PDSS1: variants seen among roughly 807,000 people sequenced by gnomAD.
PDSS1 encodes all trans-polyprenyl-diphosphate synthase PDSS1.
PDSS1 carries 43 observed loss-of-function variants against 57.5 expected under a neutral mutation model. The observed-to-expected ratio is 0.75, with a 90% CI of 0.59 to 0.96. The LOEUF is 0.96. PDSS1 is among the 50% of genes least tolerant of loss of function. The pLI is 0.00. For missense variants in PDSS1, 438 were observed against 527.8 expected (o/e 0.83, Z 1.67); for synonymous variants, 175 against 191.3 (o/e 0.91, Z 0.70).
chr10:26,708,471 A>C (rs1835314694), intron 4 of PDSS1, among the ~76,000 whole-genome samples: 1 of 152,124 alleles, frequency 6.6e-6, no homozygotes, highest in African/African-American at 2.4e-5. Flanking sequence ...CTGAACTTTC[A>C]ATGTATTTAA....
intron 8 of PDSS1, among the ~76,000 whole-genome samples, chr10:26,726,774 A>G (rs952170579): frequency 1.3e-5 from 2 of 152,078 alleles, no homozygotes; most frequent in African/African-American, 2.4e-5. Flanking sequence ...AATAGAATCC[A>G]TTTTAGGCCG....
chr10:26,736,949 C>G (rs764331633), intron 10 of PDSS1, among the ~76,000 whole-genome samples: 1 of 152,132 alleles, frequency 6.6e-6, no homozygotes, highest in Non-Finnish European at 1.5e-5. Flanking sequence ...AGGTGTTATG[C>G]TGGGGATTAG....
chr10:26,739,885 CCACTTTGGGAGG>C (rs748908388), intron 10 of PDSS1, among the ~76,000 whole-genome samples: 172 of 152,186 alleles, frequency 1.1e-3, no homozygotes, highest in Non-Finnish European at 1.8e-3. Flanking sequence ...GCCTGTAATC[CCACTTTGGGAGG>C]CACTTTGGGA....
intron 4 of PDSS1, among the ~76,000 whole-genome samples, chr10:26,707,460 TCCTGC>T (rs1455630363): frequency 6.6e-6 from 1 of 152,156 alleles, no homozygotes; most frequent in Non-Finnish European, 1.5e-5. Context: ...GGGAGCCCTC[TCCTGC>T]CCTGCTCATG....
intron 2 of PDSS1, among the ~76,000 whole-genome samples, chr10:26,702,568 G>A (rs964996450): frequency 6.6e-6 from 1 of 152,166 alleles, no homozygotes; most frequent in Non-Finnish European, 1.5e-5. Context: ...TGCCATGATT[G>A]TAAGTTTCTT....
At chr10:26,745,886 T>C (rs1415129551) in intron 11 of PDSS1, among the ~76,000 whole-genome samples, 2 of 152,004 alleles carry the variant, frequency 1.3e-5, no homozygotes, top group African/African-American at 4.8e-5. Context: ...TTGGATAAAG[T>C]GAGTGCCTTT....
intron 8 of PDSS1, among the ~76,000 whole-genome samples, chr10:26,725,692 G>A (rs1450156655): frequency 2.6e-5 from 4 of 151,670 alleles, no homozygotes; most frequent in African/African-American, 7.3e-5. Context: ...ACATTAGGGT[G>A]CCTTAATATT....
At chr10:26,725,819 T>C (rs1835932641) in intron 8 of PDSS1, among the ~76,000 whole-genome samples, 1 of 152,234 alleles carries the variant, frequency 6.6e-6, no homozygotes, top group Admixed American at 6.5e-5. Context: ...CTCACACCTG[T>C]AATCCCAGCA....
chr10:26,697,951 G>T, intron 1 of PDSS1, 111 bp downstream of exon 1: 1 of 1,018,892 alleles, frequency 9.8e-7, no homozygotes, highest in Non-Finnish European at 1.2e-6. Context: ...GCGGGGGCGC[G>T]CGGGGTAGCT....
intron 10 of PDSS1, among the ~76,000 whole-genome samples, 174 bp from the exon 11 acceptor site, chr10:26,742,323 C>G (rs1268532663): frequency 6.6e-6 from 1 of 152,264 alleles, no homozygotes; most frequent in Non-Finnish European, 1.5e-5. Context: ...CGGTGGATGT[C>G]TCTTAGCTCA....
chr10:26,722,652 C>T (rs575012293), intron 6 of PDSS1, among the ~76,000 whole-genome samples: 11 of 150,770 alleles, frequency 7.3e-5, no homozygotes, highest in Non-Finnish European at 1.2e-4. Flanking sequence ...TGCAGTGAGC[C>T]GAGGTCATGC....
At chr10:26,731,941 G>C (rs1315059167) in intron 8 of PDSS1, among the ~76,000 whole-genome samples, 1 of 152,240 alleles carries the variant, frequency 6.6e-6, no homozygotes, top group Non-Finnish European at 1.5e-5. Flanking sequence ...ACAGGCGTGA[G>C]CCACTGCGCC....
rs79679990 is a variant in PDSS1, at chr10:26,730,267, C to T, written c.832-4973C>T. Among the ~76,000 whole-genome samples the T allele has an allele frequency of 8.9e-3, 1,358 of 151,852 alleles. 36 individuals are homozygous for T. Among genetic ancestry groups the T allele is most frequent in the East Asian group, 0.089 (456 of 5,140 alleles). On this transcript the variant is annotated intron_variant, in intron 8 of 11. Coordinates refer to ENST00000376215, the MANE Select transcript of PDSS1 (RefSeq NM_014317.5). ...GATTCCCTCTCATTCTTGCTGATTT[C>T]GTGTTTTGGTTTTGAGCGTTTTGTT...
intron 6 of PDSS1, among the ~76,000 whole-genome samples, chr10:26,722,367 A>G (rs2489551): frequency 0.87 from 132,457 of 152,164 alleles, 57,679 homozygotes; most frequent in East Asian, 0.92. Context: ...TAGTTATGTT[A>G]AAAATTCTGT....
chr10:26,741,958 T>A (rs1383123621), intron 10 of PDSS1, among the ~76,000 whole-genome samples: 3 of 152,120 alleles, frequency 2.0e-5, no homozygotes, highest in African/African-American at 7.2e-5. Flanking sequence ...CACTGCAACC[T>A]CCACCTCCCC....
rs895276388 is a variant in PDSS1 at position 26,711,053 on chromosome 10, C to T, written c.467+1285C>T. 3.1e-5 allele frequency among the ~76,000 whole-genome samples: 3 copies of T among 97,990 alleles called. 1 individual carries two copies. The highest frequency in any genetic ancestry group is 5.1e-4 in the East Asian group (2 of 3,956). The allele number at this position is 97,990 out of a possible 152,430, so 64.3% of individuals were successfully genotyped here. A position where few individuals can be genotyped will look rare whatever the true frequency, so the allele number is the denominator to read the frequency against. On this transcript the variant is annotated intron_variant, in intron 5 of 11. Transcript: ENST00000376215. ...CAGCTGGGGCAGAGTCATGCACTGA[C>T]GGGGGATCTGGGGGCATGTCTCAGA...
chr10:26,699,464 G>A (rs1174813946), intron 1 of PDSS1, among the ~76,000 whole-genome samples: 2 of 149,638 alleles, frequency 1.3e-5, no homozygotes, highest in East Asian at 2.0e-4. Flanking sequence ...GCGGAATCTC[G>A]GCTCACTGCA....
intron 8 of PDSS1, among the ~76,000 whole-genome samples, chr10:26,729,880 C>CATA (rs1393911551): frequency 2.0e-5 from 3 of 148,628 alleles, no homozygotes; most frequent in Non-Finnish European, 3.0e-5. Context: ...CAACCTCCAG[C>CATA]ATAAATGGGT....
At chr10:26,728,237 A>G (rs1251242116) in intron 8 of PDSS1, among the ~76,000 whole-genome samples, 1 of 152,164 alleles carries the variant, frequency 6.6e-6, no homozygotes, top group Non-Finnish European at 1.5e-5. Flanking sequence ...GGCACCTGTA[A>G]TCTCAGCACT....
Sources: gnomAD v4.1 joint callset for allele counts (sites outside exome capture counted in the v4.1 genomes callset) on GRCh38, gnomAD v4.1.1 for gene constraint, MANE v1.5 for transcripts, NCBI Gene and HGNC (gene_info 2026-07-23, HGNC 2026-07-21) for gene names.